Variants in MAML3 observed in about 807,000 individuals in gnomAD.
MAML3 encodes the protein mastermind like transcriptional coactivator 3.
A neutral mutation model predicts 101.9 loss-of-function variants in MAML3; 27 were observed. The ratio of observed to expected loss-of-function variants is 0.27; its 90% CI spans 0.20 to 0.37. MAML3 has a LOEUF of 0.37. Ranked by LOEUF, MAML3 falls within the 10% of genes least tolerant of loss-of-function variation. The pLI, the probability that MAML3 is intolerant of heterozygous loss-of-function variation, is 1.00. For synonymous variants in MAML3, 501 were observed against 555.9 expected (o/e 0.90, Z 1.39); for missense variants, 1,316 against 1,444.9 (o/e 0.91, Z 1.45).
intron 2 of MAML3, among the ~76,000 whole-genome samples, chr4:139,778,610 C>T (rs919909728): frequency 1.4e-4 from 22 of 152,200 alleles, no homozygotes; most frequent in African/African-American, 5.1e-4. Flanking sequence ...GGGTACCTCC[C>T]TTACTCTTCC....
intron 1 of MAML3, among the ~76,000 whole-genome samples, chr4:139,909,835 T>TGAAAA (rs1368708562): frequency 1.1e-4 from 1 of 8,758 alleles, no homozygotes; most frequent in African/African-American, 2.0e-4. Context: ...CGATGCCGTC[T>TGAAAA]CAAAAAAAAA....
chr4:139,769,491 T>C (rs762822307), intron 2 of MAML3, among the ~76,000 whole-genome samples: 10 of 152,114 alleles, frequency 6.6e-5, no homozygotes, highest in Middle Eastern at 3.2e-3. Context: ...CTATTTTGAG[T>C]GGTATATCTT....
chr4:140,084,143 A>C (rs1217336490), intron 1 of MAML3, among the ~76,000 whole-genome samples: 1 of 152,192 alleles, frequency 6.6e-6, no homozygotes, highest in Non-Finnish European at 1.5e-5. Context: ...TGAATGCATG[A>C]ATGAATGATT....
chr4:139,852,607 G>A (rs1419817035), intron 2 of MAML3, among the ~76,000 whole-genome samples: 1 of 151,760 alleles, frequency 6.6e-6, no homozygotes. Flanking sequence ...TAGAGACAGG[G>A]TTTCACCATG....
intron 1 of MAML3, among the ~76,000 whole-genome samples, chr4:140,093,917 T>G (rs1348194813): frequency 1.3e-5 from 2 of 152,320 alleles, no homozygotes; most frequent in East Asian, 3.9e-4. Flanking sequence ...CAGGTTGTCC[T>G]GCTCACTGTG....
chr4:139,831,588 G>T lies in MAML3; in HGVS notation c.2079+57769C>A, dbSNP rs745548417. ...ACTCTAGTGATCAAGCTGAGAACCAGAAGAGTATTTCTCACCTGACAAAGG... is the reference window on the plus strand; with the variant it reads ...ACTCTAGTGATCAAGCTGAGAACCATAAGAGTATTTCTCACCTGACAAAGG... On this transcript the variant is annotated intron_variant, in intron 2 of 4. Transcript: ENST00000509479. 6.6e-5 allele frequency among the ~76,000 whole-genome samples: 10 copies of T among 152,268 alleles called. 1 individual carries two copies. Among genetic ancestry groups the T allele is most frequent in the South Asian group, 4.1e-4 (2 of 4,820 alleles).
intron 2 of MAML3, among the ~76,000 whole-genome samples, chr4:139,854,148 C>T (rs1182893255): frequency 6.6e-6 from 1 of 151,974 alleles, no homozygotes; most frequent in Non-Finnish European, 1.5e-5. Flanking sequence ...CTTTCTATGC[C>T]TCAGTTTCTT....
intron 1 of MAML3, among the ~76,000 whole-genome samples, chr4:140,148,441 T>C (rs946709290): frequency 2.0e-5 from 3 of 152,176 alleles, no homozygotes; most frequent in African/African-American, 4.8e-5. Context: ...AAAATACATA[T>C]GAAGGACAGA....
At chr4:139,985,518 C>T (rs1734520799) in intron 1 of MAML3, among the ~76,000 whole-genome samples, 1 of 152,212 alleles carries the variant, frequency 6.6e-6, no homozygotes, top group Non-Finnish European at 1.5e-5. Context: ...AATTTATTTC[C>T]TTGAGCTAAA....
At chr4:140,021,794 A>G (rs1578646499) in intron 1 of MAML3, among the ~76,000 whole-genome samples, 1 of 151,886 alleles carries the variant, frequency 6.6e-6, no homozygotes, top group African/African-American at 2.4e-5. Flanking sequence ...TCCTTCCTCC[A>G]GTTTTGTTTG....
Position 139,735,866 on chromosome 4 carries a change from G to A in MAML3, c.2080-5199C>T, listed in dbSNP as rs956376974. Among the ~76,000 whole-genome samples, 3 of 152,060 alleles carry A rather than the reference G, an allele frequency of 2.0e-5. No individual in the cohort carries two copies. Among genetic ancestry groups the A allele is most frequent in the African/African-American group, 7.2e-5 (3 of 41,516 alleles). On this transcript the variant is annotated intron_variant, in intron 2 of 4. Coordinates refer to ENST00000509479, the MANE Select transcript of MAML3 (RefSeq NM_018717.5). This position sits in a 1 kb window ranked among gnomAD's most constrained non-coding sequence, Gnocchi z 5.8. ...CGGGCGCGGGCAGGGGCGGTGCGGC[G>A]GCGCTCGGGAGACCCGCGAGGGGCC...
At chr4:140,060,543 C>A (rs1420027389) in intron 1 of MAML3, among the ~76,000 whole-genome samples, 1 of 151,800 alleles carries the variant, frequency 6.6e-6, no homozygotes, top group Non-Finnish European at 1.5e-5. Context: ...TTGAACAGGG[C>A]ATGTCTAGTC....
intron 1 of MAML3, among the ~76,000 whole-genome samples, chr4:139,929,294 A>G (rs559025907): frequency 1.3e-4 from 20 of 152,346 alleles, no homozygotes; most frequent in African/African-American, 4.6e-4. Context: ...GCAAAATGAA[A>G]TTTCTAGATG....
intron 2 of MAML3, among the ~76,000 whole-genome samples, chr4:139,810,219 A>T (rs1429154756): frequency 7.7e-6 from 1 of 130,054 alleles, no homozygotes; most frequent in Non-Finnish European, 1.6e-5. Context: ...TAGAGACAGG[A>T]TCTGGCTCTG....
rs1328405934 is a variant in MAML3, at chr4:139,718,515, C to T, written c.*808G>A. 1 of 152,344 alleles carries T rather than the reference C, an allele frequency of 6.6e-6. No individual in the cohort carries two copies. The highest frequency in any genetic ancestry group is 1.5e-5 in the Non-Finnish European group (1 of 68,182). The allele number at this position is 152,344 out of a possible 1,614,324, so 9.4% of individuals were successfully genotyped here. A position where few individuals can be genotyped will look rare whatever the true frequency, so the allele number is the denominator to read the frequency against. ...GGCCGCCAGAAGTAGATGTGACCCA[C>T]CTGGATGTATGGGTTTTGTATTGGG... On this transcript the variant is annotated 3_prime_UTR_variant, in exon 5 of 5. Coordinates refer to ENST00000509479, the MANE Select transcript of MAML3 (RefSeq NM_018717.5).
chr4:139,995,007 G>T (rs774831169), intron 1 of MAML3, among the ~76,000 whole-genome samples: 1 of 152,042 alleles, frequency 6.6e-6, no homozygotes, highest in South Asian at 2.1e-4. Context: ...CATTATATAT[G>T]ATGTTAACTG....
rs1730851144 is a variant in MAML3 at position 139,814,025 on chromosome 4, A to AC, written c.2079+75331_2079+75332insG. ...CAGCTAGCTACAGTACACAAACACA[A>AC]ACACACACACACACACACACACACA... On this transcript the variant is annotated intron_variant, in intron 2 of 4. Coordinates refer to ENST00000509479, the MANE Select transcript of MAML3 (RefSeq NM_018717.5). Among the ~76,000 whole-genome samples the AC allele has an allele frequency of 3.9e-3, 567 of 145,132 alleles. 5 individuals are homozygous for AC. Among genetic ancestry groups the AC allele is most frequent in the African/African-American group, 0.013 (527 of 39,104 alleles).
chr4:139,982,021 C>T (rs2110810920), intron 1 of MAML3, among the ~76,000 whole-genome samples: 1 of 152,250 alleles, frequency 6.6e-6, no homozygotes, highest in Admixed American at 6.5e-5. Context: ...TTCGACTGTA[C>T]TTTTCAAAAG....
intron 1 of MAML3, among the ~76,000 whole-genome samples, chr4:140,039,857 C>A (rs193254991): frequency 1.7e-3 from 257 of 152,312 alleles, no homozygotes; most frequent in Non-Finnish European, 3.7e-4. Context: ...TCACCACTAT[C>A]AACCTCTCCT....
Sources: gnomAD v4.1 joint callset for allele counts (sites outside exome capture counted in the v4.1 genomes callset) on GRCh38, gnomAD v4.1.1 for gene constraint, Gnocchi (gnomAD v3.1) non-coding constraint, MANE v1.5 for transcripts, NCBI Gene and HGNC (gene_info 2026-07-23, HGNC 2026-07-21) for gene names.